LRP1B: variants seen among roughly 807,000 people sequenced by gnomAD.
The protein encoded by LRP1B is LDL receptor related protein 1B, also known as low-density lipoprotein receptor-related protein 1B.
Under a neutral mutation model 556.6 loss-of-function variants are expected in LRP1B, and 217 were observed. The ratio of observed to expected loss-of-function variants is 0.39; its 90% CI spans 0.35 to 0.44. The LOEUF (loss-of-function observed/expected upper bound fraction) is 0.44, where lower values mean the gene tolerates loss of function less well. LRP1B is among the 20% of genes least tolerant of loss of function. The pLI, the probability that LRP1B is intolerant of heterozygous loss-of-function variation, is 1.00. For missense variants in LRP1B, 5,053 were observed against 5,620.8 expected, an observed-to-expected ratio of 0.90 and a Z score of 3.23; for synonymous variants, 2,047 against 1,865.8, an observed-to-expected ratio of 1.10 and a Z score of -2.50.
At chr2:140,906,242 G>A (rs765118585) in intron 22 of LRP1B, among the ~76,000 whole-genome samples, 1 of 152,060 alleles carries the variant, frequency 6.6e-6, no homozygotes, top group African/African-American at 2.4e-5. Context: ...TTTTTGAAAT[G>A]TTTGGGCAAA....
chr2:141,175,931 G>T (rs922264023), intron 7 of LRP1B, among the ~76,000 whole-genome samples: 2 of 152,106 alleles, frequency 1.3e-5, no homozygotes, highest in Non-Finnish European at 2.9e-5. Context: ...AAGACATGGA[G>T]TCAAAGGAAA....
chr2:141,815,210 T>C (rs1486077765), intron 1 of LRP1B, among the ~76,000 whole-genome samples: 2 of 152,152 alleles, frequency 1.3e-5, no homozygotes, highest in Non-Finnish European at 2.9e-5. Flanking sequence ...AGAAAAAGGA[T>C]GGAAAAATGA....
intron 17 of LRP1B, among the ~76,000 whole-genome samples, chr2:140,983,774 C>T (rs1162983122): frequency 6.6e-6 from 1 of 152,022 alleles, no homozygotes; most frequent in East Asian, 1.9e-4. Context: ...TTTTGCTTTG[C>T]TTATGTGATA....
intron 7 of LRP1B, among the ~76,000 whole-genome samples, chr2:141,104,741 G>GT (rs1700563163): frequency 6.6e-6 from 1 of 151,998 alleles, no homozygotes; most frequent in South Asian, 2.1e-4. Context: ...CTGAAATTAA[G>GT]TTGCTGCTCC....
chr2:141,552,043 T>C (rs968671742), intron 2 of LRP1B, among the ~76,000 whole-genome samples: 22 of 152,060 alleles, frequency 1.4e-4, no homozygotes, highest in African/African-American at 5.1e-4. Context: ...TGATATTTAA[T>C]ACAAAATCTT....
At chr2:141,770,018 C>T (rs1424233852) in intron 2 of LRP1B, among the ~76,000 whole-genome samples, 1 of 152,086 alleles carries the variant, frequency 6.6e-6, no homozygotes, top group Admixed American at 6.6e-5. Context: ...GTTAGTATGA[C>T]CTATTAAAGG....
intron 43 of LRP1B, among the ~76,000 whole-genome samples, chr2:140,595,094 A>ATATCTATATC (rs1558992059): frequency 1.3e-4 from 2 of 15,612 alleles, no homozygotes; most frequent in African/African-American, 5.5e-4. Flanking sequence ...TTGAATATAT[A>ATATCTATATC]TATATATATA....
At chr2:141,199,067 C>A (rs111450037) in intron 6 of LRP1B, among the ~76,000 whole-genome samples, 2,249 of 152,222 alleles carry the variant, frequency 0.015, 34 homozygotes, top group Middle Eastern at 0.034. Context: ...GTGATCATTG[C>A]AAAACATAAA....
chr2:140,709,396 G>C (rs1200594044), intron 37 of LRP1B, among the ~76,000 whole-genome samples: 2 of 151,618 alleles, frequency 1.3e-5, no homozygotes, highest in Admixed American at 1.3e-4. Flanking sequence ...TAATACCAGA[G>C]GAGGAGCAGG....
chr2:141,917,622 T>C (rs1159763875), intron 1 of LRP1B, among the ~76,000 whole-genome samples: 1 of 152,194 alleles, frequency 6.6e-6, no homozygotes, highest in South Asian at 2.1e-4. Context: ...TCCTTAGCAA[T>C]AGTCACAAAG....
At chr2:141,106,018 C>A (rs1226903273) in intron 7 of LRP1B, among the ~76,000 whole-genome samples, 1 of 151,992 alleles carries the variant, frequency 6.6e-6, no homozygotes, top group Non-Finnish European at 1.5e-5. Flanking sequence ...CTCTTCCTGT[C>A]CAGAATAGAA....
chr2:141,589,513 T>C (rs1311207158), intron 2 of LRP1B, among the ~76,000 whole-genome samples: 1 of 152,186 alleles, frequency 6.6e-6, no homozygotes, highest in African/African-American at 2.4e-5. Context: ...ATTGCGCAAG[T>C]CTTCACAGCC....
At chr2:141,770,228 T>C (rs1694856359) in intron 2 of LRP1B, among the ~76,000 whole-genome samples, 1 of 152,216 alleles carries the variant, frequency 6.6e-6, no homozygotes, top group African/African-American at 2.4e-5. Context: ...ATCTATGCTT[T>C]CTCTTATGCA....
intron 7 of LRP1B, among the ~76,000 whole-genome samples, chr2:141,150,664 T>A (rs535088470): frequency 6.6e-6 from 1 of 152,298 alleles, no homozygotes; most frequent in African/African-American, 2.4e-5. Flanking sequence ...TTATTTCACG[T>A]CCAAAATCCC....
chr2:140,525,162 C>T (rs896427140), intron 49 of LRP1B, among the ~76,000 whole-genome samples: 7 of 151,672 alleles, frequency 4.6e-5, no homozygotes, highest in African/African-American at 1.7e-4. Flanking sequence ...TGGAGAGAGG[C>T]AAACCAATAT....
chr2:140,337,734 T>G (rs1681169361), intron 77 of LRP1B, among the ~76,000 whole-genome samples: 1 of 151,904 alleles, frequency 6.6e-6, no homozygotes, highest in East Asian at 1.9e-4. Flanking sequence ...TTTCTGTTTG[T>G]GAGATGTAAA....
intron 2 of LRP1B, among the ~76,000 whole-genome samples, chr2:141,519,708 C>T (rs576656462): frequency 2.0e-5 from 3 of 150,038 alleles, no homozygotes; most frequent in South Asian, 2.1e-4. Context: ...TATATATATG[C>T]GTATATATGT....
intron 41 of LRP1B, among the ~76,000 whole-genome samples, chr2:140,682,577 TA>T (rs989150966): frequency 2.0e-5 from 3 of 151,514 alleles, no homozygotes; most frequent in South Asian, 2.1e-4. Context: ...TATTAGGGAA[TA>T]AAAAAATAAA....
At chr2:141,448,696 C>G (rs931025999) in intron 3 of LRP1B, among the ~76,000 whole-genome samples, 8 of 152,162 alleles carry the variant, frequency 5.3e-5, no homozygotes, top group Admixed American at 6.5e-5. Flanking sequence ...GACACCCCAC[C>G]CTGCTTCGGC....
Sources: gnomAD v4.1 joint callset for allele counts (sites outside exome capture counted in the v4.1 genomes callset) on GRCh38, gnomAD v4.1.1 for gene constraint, MANE v1.5 for transcripts, NCBI Gene and HGNC (gene_info 2026-07-23, HGNC 2026-07-21) for gene names.